The following DRC11 variants were observed in gnomAD, a reference collection of about 807,000 sequenced individuals.
DRC11 encodes IQ and AAA domain-containing protein 1.
chr2:236,356,588 G>A, the DRC11 span, among the ~76,000 whole-genome samples: 2 of 152,156 alleles, frequency 1.3e-5, no homozygotes, highest in African/African-American at 2.4e-5. Flanking sequence ...AGCACTCTGA[G>A]TGTCACTTTT....
the DRC11 span, among the ~76,000 whole-genome samples, chr2:236,356,651 A>G: frequency 0.095 from 12,048 of 126,166 alleles, 33 homozygotes; most frequent in Non-Finnish European, 0.12. Flanking sequence ...CTTTCATGCA[A>G]TTAAAAGAGA....
the DRC11 span, among the ~76,000 whole-genome samples, chr2:236,403,646 T>C: frequency 9.2e-5 from 14 of 152,220 alleles, no homozygotes; most frequent in Non-Finnish European, 1.6e-4. Flanking sequence ...TATATTTCTT[T>C]AGTTGGTGTG....
At chr2:236,440,675 A>G in the DRC11 span, among the ~76,000 whole-genome samples, 1 of 152,162 alleles carries the variant, frequency 6.6e-6, no homozygotes, top group Non-Finnish European at 1.5e-5. Context: ...GGCATGAGCC[A>G]GAAGCACAGG....
the DRC11 span, among the ~76,000 whole-genome samples, chr2:236,393,166 T>C: frequency 6.6e-6 from 1 of 152,134 alleles, no homozygotes; most frequent in Non-Finnish European, 1.5e-5. This position sits in a 1 kb window ranked among gnomAD's most constrained non-coding sequence, Gnocchi z 4.7. Flanking sequence ...ATGTCGAGAA[T>C]GTAAAGGAAA....
At chr2:236,357,254 CTA>C in the DRC11 span, among the ~76,000 whole-genome samples, 158 of 96,548 alleles carry the variant, frequency 1.6e-3, 2 homozygotes, top group African/African-American at 6.2e-3. Flanking sequence ...TAGTATATAT[CTA>C]TATATTATAA....
At chr2:236,324,652 G>T in the DRC11 span, 1 of 1,169,604 alleles carries the variant, frequency 8.5e-7, no homozygotes, top group Non-Finnish European at 1.3e-6. This position sits in a 1 kb window ranked among gnomAD's most constrained non-coding sequence, Gnocchi z 5.7. Context: ...CTTCAGAAAG[G>T]CATTACTTTT....
At chr2:236,499,643 T>C in the DRC11 span, among the ~76,000 whole-genome samples, 4 of 152,218 alleles carry the variant, frequency 2.6e-5, no homozygotes, top group Non-Finnish European at 5.9e-5. The surrounding 1 kb of genome is among the most constrained non-coding windows in gnomAD (Gnocchi z 4.7). Flanking sequence ...CTGGCCAGGC[T>C]GGTCTCGAAC....
At chr2:236,458,340 T>C in the DRC11 span, among the ~76,000 whole-genome samples, 6 of 152,288 alleles carry the variant, frequency 3.9e-5, no homozygotes, top group Admixed American at 2.0e-4. Context: ...ATTCTAGGCC[T>C]GTAGAGCTTA....
the DRC11 span, among the ~76,000 whole-genome samples, chr2:236,342,369 G>A: frequency 6.6e-6 from 1 of 152,192 alleles, no homozygotes; most frequent in Non-Finnish European, 1.5e-5. The surrounding 1 kb of genome is among the most constrained non-coding windows in gnomAD (Gnocchi z 5.8). Flanking sequence ...TGCCTCCTGG[G>A]CTCCTCTCAC....
At chr2:236,309,559 A>C in the DRC11 span, among the ~76,000 whole-genome samples, 2 of 152,250 alleles carry the variant, frequency 1.3e-5, no homozygotes, top group South Asian at 4.1e-4. This position sits in a 1 kb window ranked among gnomAD's most constrained non-coding sequence, Gnocchi z 5.7. Context: ...TATTTGTCCA[A>C]CATTTACTTA....
the DRC11 span, among the ~76,000 whole-genome samples, chr2:236,344,375 A>G: frequency 6.6e-6 from 1 of 152,202 alleles, no homozygotes; most frequent in African/African-American, 2.4e-5. Context: ...TATGTCTCAT[A>G]AAGTCAGACC....
the DRC11 span, among the ~76,000 whole-genome samples, chr2:236,489,015 A>ATGCTG: frequency 6.9e-6 from 1 of 144,480 alleles, no homozygotes; most frequent in African/African-American, 2.6e-5. Context: ...CTCTGGGTGC[A>ATGCTG]GGTGAGGCCT....
the DRC11 span, chr2:236,465,488 A>G: frequency 8.7e-6 from 14 of 1,608,422 alleles, no homozygotes; most frequent in Middle Eastern, 1.7e-4. This position sits in a 1 kb window ranked among gnomAD's most constrained non-coding sequence, Gnocchi z 6.2. Flanking sequence ...ATATGTCACG[A>G]TGTAGCTCAT....
the DRC11 span, among the ~76,000 whole-genome samples, chr2:236,449,390 T>TCGCCTC: frequency 6.6e-6 from 1 of 152,136 alleles, no homozygotes; most frequent in South Asian, 2.1e-4. The surrounding 1 kb of genome is among the most constrained non-coding windows in gnomAD (Gnocchi z 5.1). Flanking sequence ...GCCCACTCTC[T>TCGCCTC]CGCCTCCGCC....
At chr2:236,309,671 C>T in the DRC11 span, among the ~76,000 whole-genome samples, 5,115 of 152,290 alleles carry the variant, frequency 0.034, 286 homozygotes, top group African/African-American at 0.11. The surrounding 1 kb of genome is among the most constrained non-coding windows in gnomAD (Gnocchi z 5.7). Context: ...ATTTCTGACA[C>T]GCATGGGTCA....
chr2:236,352,871 G>A, the DRC11 span, among the ~76,000 whole-genome samples: 1 of 152,170 alleles, frequency 6.6e-6, no homozygotes, highest in Non-Finnish European at 1.5e-5. This position sits in a 1 kb window ranked among gnomAD's most constrained non-coding sequence, Gnocchi z 7.0. Context: ...GCACCTGGCT[G>A]AGAATTTCCT....
chr2:236,338,862 G>C, the DRC11 span, among the ~76,000 whole-genome samples: 263 of 152,322 alleles, frequency 1.7e-3, 1 homozygote, highest in African/African-American at 5.4e-3. Flanking sequence ...TGAAGCAGTT[G>C]GGAAATAGTT....
the DRC11 span, among the ~76,000 whole-genome samples, chr2:236,454,428 A>G: frequency 6.6e-6 from 1 of 152,220 alleles, no homozygotes; most frequent in Non-Finnish European, 1.5e-5. This position sits in a 1 kb window ranked among gnomAD's most constrained non-coding sequence, Gnocchi z 5.3. Context: ...CCACCAAAGC[A>G]AACAGTAGAA....
the DRC11 span, among the ~76,000 whole-genome samples, chr2:236,425,422 T>C: frequency 6.6e-6 from 1 of 152,072 alleles, no homozygotes; most frequent in South Asian, 2.1e-4. Flanking sequence ...TCCATATACA[T>C]GTTGACCATT....
Sources: gnomAD v4.1 joint callset for allele counts (sites outside exome capture counted in the v4.1 genomes callset) on GRCh38, gnomAD v4.1.1 for gene constraint, Gnocchi (gnomAD v3.1) non-coding constraint, MANE v1.5 for transcripts, NCBI Gene and HGNC (gene_info 2026-07-23, HGNC 2026-07-21) for gene names.